Variants in ANK1 observed in about 807,000 individuals in gnomAD.
ANK1 encodes ankyrin 1.
A neutral mutation model predicts 210.4 loss-of-function variants in ANK1; 51 were observed. The ratio of observed to expected loss-of-function variants is 0.24; its 90% CI spans 0.19 to 0.31. ANK1 has a LOEUF of 0.31. Ranked by LOEUF, ANK1 falls within the 10% of genes least tolerant of loss-of-function variation. The pLI, the probability that ANK1 is intolerant of heterozygous loss-of-function variation, is 1.00. For synonymous variants in ANK1, 967 were observed against 1,025.9 expected, an observed-to-expected ratio of 0.94 and a Z score of 1.10; for missense variants, 2,051 against 2,504.4, an observed-to-expected ratio of 0.82 and a Z score of 3.86.
chr8:41,805,153 CTCTT>C (rs1181766606), intron 1 of ANK1, among the ~76,000 whole-genome samples: 8 of 147,406 alleles, frequency 5.4e-5, no homozygotes. Flanking sequence ...TCTCATAGAG[CTCTT>C]TCTCTCTCTC....
chr8:41,720,137 T>A (rs1586432084), intron 9 of ANK1, among the ~76,000 whole-genome samples: 1 of 152,246 alleles, frequency 6.6e-6, no homozygotes, highest in Non-Finnish European at 1.5e-5. Context: ...GCTTTCCTTA[T>A]CTGCACCATG....
intron 1 of ANK1, chr8:41,789,126 A>G (rs1447489524): frequency 6.6e-6 from 1 of 151,956 alleles, no homozygotes; most frequent in African/African-American, 2.4e-5. Flanking sequence ...CCTCCATGGT[A>G]TTGTTCGAAT....
chr8:41,896,499 C>T (rs751611211), exon 1 of ANK1: 1 of 1,583,438 alleles, frequency 6.3e-7, no homozygotes, highest in Non-Finnish European at 8.6e-7. Context: ...ACGGCGCTCC[C>T]GTCCCCGCCT....
At chr8:41,669,864 C>T (rs1046680238) in intron 38 of ANK1, among the ~76,000 whole-genome samples, 1 of 152,190 alleles carries the variant, frequency 6.6e-6, no homozygotes, top group East Asian at 1.9e-4. Flanking sequence ...TCACCATTCC[C>T]TCCCTAGCTT....
intron 20 of ANK1, among the ~76,000 whole-genome samples, chr8:41,702,554 T>C (rs1823143649): frequency 6.6e-6 from 1 of 152,232 alleles, no homozygotes; most frequent in South Asian, 2.1e-4. Flanking sequence ...TTCTTGGGTG[T>C]CAGTGATGGG....
intron 1 of ANK1, among the ~76,000 whole-genome samples, chr8:41,888,664 A>C (rs943186984): frequency 2.6e-5 from 4 of 152,208 alleles, no homozygotes; most frequent in Non-Finnish European, 5.9e-5. Context: ...TTATATAGAG[A>C]AGATGTTGAC....
intron 42 of ANK1, among the ~76,000 whole-genome samples, chr8:41,656,227 GCTCTGCCAACATGCACT>G (rs1805656576): frequency 2.6e-5 from 4 of 152,392 alleles, no homozygotes; most frequent in African/African-American, 9.6e-5. Context: ...TCTCAGTTCA[GCTCTGCCAACATGCACT>G]GATGTCCGCC....
intron 1 of ANK1, among the ~76,000 whole-genome samples, chr8:41,886,935 T>A (rs1350665854): frequency 6.6e-6 from 1 of 152,144 alleles, no homozygotes; most frequent in East Asian, 1.9e-4. Flanking sequence ...CATTTTCAAG[T>A]TGGTTTACAA....
chr8:41,763,784 G>A (rs1253988419), intron 1 of ANK1, among the ~76,000 whole-genome samples: 2 of 151,770 alleles, frequency 1.3e-5, no homozygotes, highest in Non-Finnish European at 2.9e-5. Context: ...ATAAAATTGA[G>A]GCCCAGGGAA....
intron 1 of ANK1, among the ~76,000 whole-genome samples, chr8:41,760,596 C>T (rs539507782): frequency 1.1e-4 from 17 of 152,276 alleles, no homozygotes; most frequent in East Asian, 5.8e-4. Context: ...CATTGGAGTC[C>T]GTGGCCTAGA....
intron 1 of ANK1, among the ~76,000 whole-genome samples, chr8:41,769,929 T>C (rs1842651057): frequency 6.6e-6 from 1 of 152,054 alleles, no homozygotes; most frequent in Admixed American, 6.6e-5. Context: ...AACACCTTTT[T>C]CAGGTGCTTA....
intron 11 of ANK1, 67 bp downstream of exon 11, chr8:41,718,039 C>T: frequency 1.3e-6 from 2 of 1,492,650 alleles, no homozygotes; most frequent in Middle Eastern, 1.7e-4. Context: ...CAAAGAGCGA[C>T]TCTTGGAGAA....
At chr8:41,663,882 T>C (rs1809418918) in intron 39 of ANK1, 140 bp from the exon 40 acceptor site, 1 of 750,238 alleles carries the variant, frequency 1.3e-6, no homozygotes, top group Non-Finnish European at 2.3e-6. Context: ...CGGCTCAGCA[T>C]GTAGCAGGAG....
At chr8:41,666,792 C>T (rs771362802) in intron 39 of ANK1, among the ~76,000 whole-genome samples, 3 of 152,218 alleles carry the variant, frequency 2.0e-5, no homozygotes, top group East Asian at 1.9e-4. Flanking sequence ...TGGCCTTGCA[C>T]GTGCATGCTG....
Position 41,832,110 on chromosome 8 carries a change from T to A in ANK1, c.126+64245A>T, listed in dbSNP as rs116661513. Among the ~76,000 whole-genome samples, 1,102 of 152,326 alleles carry A rather than the reference T, an allele frequency of 7.2e-3. 17 individuals are homozygous for A. Among genetic ancestry groups the A allele is most frequent in the African/African-American group, 0.026 (1,062 of 41,568 alleles). On this transcript the variant is annotated intron_variant, in intron 1 of 42. Coordinates refer to the ANK1 transcript ENST00000265709. Reference sequence around the variant, plus strand: ...TGACCATAGTGATGATACATGACTGTGCATTTGTCAGAACTCACAGGACTG... The same window carrying A: ...TGACCATAGTGATGATACATGACTGAGCATTTGTCAGAACTCACAGGACTG...
chr8:41,824,896 G>C (rs1040241324), intron 1 of ANK1, among the ~76,000 whole-genome samples: 1 of 152,182 alleles, frequency 6.6e-6, no homozygotes, highest in Non-Finnish European at 1.5e-5. Flanking sequence ...CTGGCTGTAG[G>C]GCCTGGCTCT....
intron 1 of ANK1, among the ~76,000 whole-genome samples, chr8:41,822,252 G>C (rs1490026907): frequency 2.0e-5 from 3 of 152,184 alleles, no homozygotes; most frequent in African/African-American, 7.2e-5. Context: ...TCTCTAATTT[G>C]TCCTGATTTC....
At chr8:41,868,844 C>T (rs554214853) in intron 1 of ANK1, among the ~76,000 whole-genome samples, 138 of 152,232 alleles carry the variant, frequency 9.1e-4, no homozygotes, top group Non-Finnish European at 1.4e-3. Context: ...CTCGAACTTT[C>T]GGATGGGAGA....
At chr8:41,730,519 C>CA (rs1328561872) in intron 3 of ANK1, among the ~76,000 whole-genome samples, 1 of 151,952 alleles carries the variant, frequency 6.6e-6, no homozygotes, top group African/African-American at 2.4e-5. Context: ...AGGCACTTCC[C>CA]ATCTGTTGCC....
Sources: gnomAD v4.1 joint callset for allele counts (sites outside exome capture counted in the v4.1 genomes callset) on GRCh38, gnomAD v4.1.1 for gene constraint, MANE v1.5 for transcripts, NCBI Gene and HGNC (gene_info 2026-07-23, HGNC 2026-07-21) for gene names.